Variants in NCK2 observed in about 807,000 individuals in gnomAD.
NCK2 encodes NCK adaptor protein 2.
Under a neutral mutation model 33.9 loss-of-function variants are expected in NCK2, and 16 were observed. The ratio of observed to expected loss-of-function variants is 0.47; its 90% CI spans 0.32 to 0.72. NCK2 has a LOEUF of 0.72. Ranked by LOEUF, NCK2 falls within the 30% of genes least tolerant of loss-of-function variation. The pLI, the probability that NCK2 is intolerant of heterozygous loss-of-function variation, is 0.03. For synonymous variants in NCK2, 273 were observed against 239.9 expected, an observed-to-expected ratio of 1.14 and a Z score of -1.27; for missense variants, 418 against 537.3, an observed-to-expected ratio of 0.78 and a Z score of 2.19.
intron 1 of NCK2, among the ~76,000 whole-genome samples, chr2:105,762,946 G>A (rs1300771318): frequency 1.3e-5 from 2 of 152,234 alleles, no homozygotes; most frequent in Non-Finnish European, 2.9e-5. Flanking sequence ...TGTAATCCTA[G>A]CACTTTGGGA....
intron 4 of NCK2, among the ~76,000 whole-genome samples, chr2:105,883,876 C>T (rs573550427): frequency 6.6e-6 from 1 of 152,178 alleles, no homozygotes; most frequent in African/African-American, 2.4e-5. Flanking sequence ...AGTCAAGGAA[C>T]AACATATATG....
At chr2:105,852,099 C>T (rs1025210220) in intron 2 of NCK2, among the ~76,000 whole-genome samples, 1 of 143,630 alleles carries the variant, frequency 7.0e-6, no homozygotes, top group African/African-American at 2.5e-5. Flanking sequence ...ACGCATCGGA[C>T]GGTTGGGCGG....
intron 1 of NCK2, among the ~76,000 whole-genome samples, chr2:105,801,409 T>C (rs1674833002): frequency 6.6e-6 from 1 of 151,742 alleles, no homozygotes; most frequent in Non-Finnish European, 1.5e-5. Flanking sequence ...TTGAGGGATG[T>C]GCTTTTTTCT....
intron 1 of NCK2, among the ~76,000 whole-genome samples, chr2:105,760,416 C>T (rs1689731371): frequency 1.3e-5 from 2 of 152,206 alleles, no homozygotes; most frequent in Non-Finnish European, 2.9e-5. Flanking sequence ...GATTCTGATG[C>T]ATATTCAAAG....
intron 1 of NCK2, among the ~76,000 whole-genome samples, chr2:105,746,890 G>A (rs1368406736): frequency 2.0e-5 from 3 of 152,178 alleles, no homozygotes; most frequent in Admixed American, 1.3e-4. Context: ...AAGCTGTGGA[G>A]GTGCCTGGCC....
At chr2:105,787,501 A>G (rs1049712002) in intron 1 of NCK2, among the ~76,000 whole-genome samples, 3 of 152,194 alleles carry the variant, frequency 2.0e-5, no homozygotes, top group African/African-American at 7.2e-5. Flanking sequence ...TCGGCAAGCC[A>G]GAAAGTGGCC....
intron 2 of NCK2, chr2:105,854,475 T>A (rs990376687): frequency 3.9e-5 from 6 of 152,662 alleles, no homozygotes; most frequent in Non-Finnish European, 7.3e-5. Context: ...ATCTTACTGG[T>A]GTGTTGTCCA....
intron 3 of NCK2, among the ~76,000 whole-genome samples, chr2:105,871,383 C>T (rs1376306903): frequency 6.6e-6 from 1 of 152,070 alleles, no homozygotes; most frequent in Non-Finnish European, 1.5e-5. Flanking sequence ...TGGGATCAAC[C>T]CTCATTTTAC....
chr2:105,871,517 A>G lies in NCK2; in HGVS notation c.227-9811A>G, dbSNP rs1678005900. On this transcript the variant is annotated intron_variant, in intron 3 of 4. Coordinates refer to ENST00000233154, the MANE Select transcript of NCK2 (RefSeq NM_003581.5). ...TTTTCTTTTTTCTTTTTTTTTTGAG[A>G]CAGAGTCTCCCTCTGTCGCCCAGGC... Among the ~76,000 whole-genome samples the G allele has an allele frequency of 2.7e-5, 4 of 150,690 alleles. No individual in the cohort carries two copies. The South Asian group carries it at 8.4e-4, about 32-fold the overall frequency.
chr2:105,803,755 T>C (rs930628673), intron 1 of NCK2, among the ~76,000 whole-genome samples: 1 of 152,218 alleles, frequency 6.6e-6, no homozygotes, highest in African/African-American at 2.4e-5. Flanking sequence ...TTATTTTCTC[T>C]AGAGTAGTGA....
At chr2:105,816,922 A>G (rs1675512553) in intron 2 of NCK2, among the ~76,000 whole-genome samples, 1 of 152,140 alleles carries the variant, frequency 6.6e-6, no homozygotes, top group Admixed American at 6.5e-5. Context: ...TGTATTCTGT[A>G]TGGGACAGGG....
At chr2:105,872,475 C>A (rs1678055925) in intron 3 of NCK2, among the ~76,000 whole-genome samples, 1 of 152,162 alleles carries the variant, frequency 6.6e-6, no homozygotes, top group Non-Finnish European at 1.5e-5. Context: ...TCAGGGAGGT[C>A]CTCCCTGACC....
chr2:105,860,324 A>G (rs1677467951), intron 3 of NCK2, among the ~76,000 whole-genome samples: 1 of 152,274 alleles, frequency 6.6e-6, no homozygotes, highest in South Asian at 2.1e-4. Context: ...AACCATCAGA[A>G]CAACAAAATG....
rs536511578 is a variant in NCK2, at chr2:105,771,775, C to A, written c.-201+26637C>A. ...ATGTACCTGGGTTGACCGCTACTGG[C>A]AGCTTTTTCTAACCATTGTTTTCTT... On this transcript the variant is annotated intron_variant, in intron 1 of 4. Transcript: ENST00000233154. 1.8e-4 allele frequency among the ~76,000 whole-genome samples: 27 copies of A among 152,338 alleles called. 1 individual carries two copies. In the South Asian group the frequency reaches 5.6e-3, roughly 32 times the overall value.
chr2:105,754,220 C>T (rs1372281435), intron 1 of NCK2, among the ~76,000 whole-genome samples: 2 of 152,202 alleles, frequency 1.3e-5, no homozygotes, highest in African/African-American at 2.4e-5. Flanking sequence ...CTACACGTAG[C>T]AGGTTCCAGG....
At position 105,751,681 on chromosome 2, in the gene NCK2, C is replaced by T. The variant is rs1352579325; in HGVS notation, c.-201+6543C>T. Among the ~76,000 whole-genome samples the T allele has an allele frequency of 2.6e-5, 4 of 152,178 alleles. No homozygotes were observed. The East Asian group carries it at 7.7e-4, about 29-fold the overall frequency. On this transcript the variant is annotated intron_variant, in intron 1 of 4. Coordinates refer to ENST00000233154, the MANE Select transcript of NCK2 (RefSeq NM_003581.5). ...GGGACTGGTTCAGGGTTCTCCTGTG[C>T]AGTAATGGCAGGGCTACCCCACTAC...
intron 4 of NCK2, among the ~76,000 whole-genome samples, chr2:105,892,703 G>A (rs1393165174): frequency 1.3e-5 from 2 of 152,072 alleles, no homozygotes; most frequent in South Asian, 4.1e-4. Flanking sequence ...AATATTAGCC[G>A]GGCATGGTGG....
chr2:105,866,175 A>C (rs1405360746), intron 3 of NCK2, among the ~76,000 whole-genome samples: 1 of 152,174 alleles, frequency 6.6e-6, no homozygotes. Flanking sequence ...TGGCCTCCCA[A>C]AGTGCCGGGA....
intron 3 of NCK2, among the ~76,000 whole-genome samples, chr2:105,876,828 C>G (rs1010942613): frequency 2.0e-5 from 3 of 152,126 alleles, no homozygotes; most frequent in African/African-American, 7.2e-5. Flanking sequence ...TGGGTGCCGC[C>G]TCTTTACCTA....
Sources: gnomAD v4.1 joint callset for allele counts (sites outside exome capture counted in the v4.1 genomes callset) on GRCh38, gnomAD v4.1.1 for gene constraint, MANE v1.5 for transcripts, NCBI Gene and HGNC (gene_info 2026-07-23, HGNC 2026-07-21) for gene names.